Variants in NEDD9 observed in about 807,000 individuals in gnomAD.
NEDD9 encodes enhancer of filamentation 1.
A neutral mutation model predicts 76.6 loss-of-function variants in NEDD9; 26 were observed. That is an observed-to-expected ratio of 0.34 (90% CI 0.25 to 0.47). The LOEUF is 0.47. Ranked by LOEUF, NEDD9 falls within the 20% of genes least tolerant of loss-of-function variation. NEDD9 has a pLI of 1.00. For missense variants in NEDD9, 937 were observed against 1,058.5 expected (o/e 0.89, Z 1.59); for synonymous variants, 392 against 414.2 (o/e 0.95, Z 0.65).
chr6:11,294,692 G>A (rs1226146325), intron 3 of NEDD9, among the ~76,000 whole-genome samples: 1 of 152,136 alleles, frequency 6.6e-6, no homozygotes, highest in Non-Finnish European at 1.5e-5. Flanking sequence ...AACAGTATAC[G>A]TGGGTTCCCT....
chr6:11,220,198 T>C (rs1359830937), intron 1 of NEDD9, among the ~76,000 whole-genome samples: 5 of 152,230 alleles, frequency 3.3e-5, no homozygotes, highest in Non-Finnish European at 5.9e-5. Flanking sequence ...GTTCAACATT[T>C]CCCACAAGGC....
At chr6:11,349,554 A>G (rs1181164335) in intron 1 of NEDD9, among the ~76,000 whole-genome samples, 3 of 152,236 alleles carry the variant, frequency 2.0e-5, no homozygotes, top group African/African-American at 7.2e-5. Flanking sequence ...GATAAAGAAA[A>G]TGTGGTACAT....
chr6:11,208,046 C>T (rs534200432), intron 2 of NEDD9, among the ~76,000 whole-genome samples: 26 of 152,168 alleles, frequency 1.7e-4, no homozygotes, highest in South Asian at 8.3e-4. Flanking sequence ...GGCTTGGTAG[C>T]GCATGCCTAT....
intron 1 of NEDD9, among the ~76,000 whole-genome samples, chr6:11,351,861 C>G (rs6905278): frequency 0.21 from 32,443 of 152,234 alleles, 3,717 homozygotes; most frequent in East Asian, 0.52. Context: ...ATAGGGGCCT[C>G]AGCCATGAAT....
Position 11,241,726 on chromosome 6 carries a change from G to A in NEDD9, c.13-27999C>T, listed in dbSNP as rs1227797215. Among the ~76,000 whole-genome samples, 1 of 152,048 alleles carries A rather than the reference G, an allele frequency of 6.6e-6. No individual in the cohort carries two copies. The highest frequency in any genetic ancestry group is 2.1e-4 in the South Asian group (1 of 4,820). ...GTTGGAGATGCATTTTCTCCCCCTT[G>A]TGCCTTAAAAGAGCCCAGCTGACCC... On this transcript the variant is annotated intron_variant, in intron 3 of 3. Coordinates refer to the NEDD9 transcript ENST00000397378. This position sits in a 1 kb window ranked among gnomAD's most constrained non-coding sequence, Gnocchi z 4.0.
chr6:11,361,980 GA>G (rs201396662), intron 1 of NEDD9, among the ~76,000 whole-genome samples: 2,046 of 152,262 alleles, frequency 0.013, 14 homozygotes, highest in Middle Eastern at 0.034. Flanking sequence ...TTGCATAGAA[GA>G]AAAAAGTCTT....
chr6:11,371,024 G>A (rs1762864687), intron 1 of NEDD9, among the ~76,000 whole-genome samples: 1 of 152,210 alleles, frequency 6.6e-6, no homozygotes, highest in East Asian at 1.9e-4. Flanking sequence ...CCAGGCAGAG[G>A]GACTGTCAGT....
intron 2 of NEDD9, among the ~76,000 whole-genome samples, chr6:11,205,537 G>C (rs1355889920): frequency 6.6e-6 from 1 of 152,048 alleles, no homozygotes. Context: ...ATTGCTAAAG[G>C]CTTCTTTGCT....
chr6:11,300,832 C>G (rs925688401), intron 3 of NEDD9, among the ~76,000 whole-genome samples: 3 of 152,116 alleles, frequency 2.0e-5, no homozygotes, highest in African/African-American at 7.2e-5. Context: ...TTGTCACTAC[C>G]AGGCCTGCCT....
At chr6:11,344,419 G>C (rs1762328935) in intron 1 of NEDD9, among the ~76,000 whole-genome samples, 1 of 152,134 alleles carries the variant, frequency 6.6e-6, no homozygotes, top group East Asian at 1.9e-4. Flanking sequence ...GCATCCCATG[G>C]CAACACATTC....
intron 2 of NEDD9, among the ~76,000 whole-genome samples, chr6:11,195,279 T>G (rs1185341847): frequency 1.3e-5 from 2 of 152,176 alleles, no homozygotes; most frequent in African/African-American, 2.4e-5. Context: ...TTCCATCAAG[T>G]CTCTCCACTG....
intron 1 of NEDD9, among the ~76,000 whole-genome samples, chr6:11,381,828 A>C (rs539779353): frequency 5.1e-4 from 78 of 152,210 alleles, no homozygotes; most frequent in Non-Finnish European, 1.1e-3. Flanking sequence ...GCTGTCAGGT[A>C]AGCTCTCTGA....
intron 1 of NEDD9, among the ~76,000 whole-genome samples, chr6:11,349,378 A>G: frequency 6.6e-6 from 1 of 152,350 alleles, no homozygotes; most frequent in East Asian, 1.9e-4. Context: ...TCAAAGGCCT[A>G]AAGACAGACA....
At chr6:11,189,530 C>T (rs559262585) in intron 5 of NEDD9, among the ~76,000 whole-genome samples, 16 of 152,146 alleles carry the variant, frequency 1.1e-4, no homozygotes, top group South Asian at 4.2e-4. Context: ...TTCTTAATGA[C>T]GAAAACTTTT....
At chr6:11,308,767 C>T (rs1425974479) in intron 2 of NEDD9, among the ~76,000 whole-genome samples, 2 of 152,010 alleles carry the variant, frequency 1.3e-5, no homozygotes, top group African/African-American at 4.8e-5. Flanking sequence ...TACCTTAAGC[C>T]CCACAAAAAA....
chr6:11,305,168 C>T, intron 3 of NEDD9: 9 of 1,284,424 alleles, frequency 7.0e-6, no homozygotes, highest in Non-Finnish European at 9.1e-6. Context: ...CTCTGAGATA[C>T]AGAAAACAGT....
chr6:11,228,110 G>C (rs1282843941), intron 1 of NEDD9, among the ~76,000 whole-genome samples: 1 of 151,748 alleles, frequency 6.6e-6, no homozygotes, highest in Non-Finnish European at 1.5e-5. Context: ...TGGGGGGCTG[G>C]GGAGTAGGGG....
chr6:11,226,265 G>T (rs188059653), intron 1 of NEDD9, among the ~76,000 whole-genome samples: 350 of 151,742 alleles, frequency 2.3e-3, no homozygotes, highest in South Asian at 9.2e-3. Context: ...GTTTTTTTTT[G>T]TGTGTGTGTG....
intron 1 of NEDD9, among the ~76,000 whole-genome samples, chr6:11,353,589 C>A (rs1185878793): frequency 5.3e-5 from 8 of 152,224 alleles, no homozygotes; most frequent in Admixed American, 5.2e-4. Flanking sequence ...CTATTTCTGT[C>A]ATCTGAAGCC....
Sources: gnomAD v4.1 joint callset for allele counts (sites outside exome capture counted in the v4.1 genomes callset) on GRCh38, gnomAD v4.1.1 for gene constraint, Gnocchi (gnomAD v3.1) non-coding constraint, MANE v1.5 for transcripts, NCBI Gene and HGNC (gene_info 2026-07-23, HGNC 2026-07-21) for gene names.